The following IPCEF1 variants were observed in gnomAD, a reference collection of about 807,000 sequenced individuals.
The protein encoded by IPCEF1 is interactor protein for cytohesin exchange factors 1.
A neutral mutation model predicts 50.9 loss-of-function variants in IPCEF1; 31 were observed. The observed-to-expected ratio is 0.61, with a 90% confidence interval of 0.46 to 0.82. The LOEUF is 0.82. Among genes scored for constraint, IPCEF1 ranks in the 40% least tolerant of loss-of-function variants. The probability of loss-of-function intolerance (pLI) is 0.00; values close to 1 mark genes in which losing one functional copy is unlikely to be tolerated. For missense variants in IPCEF1, 458 were observed against 514.0 expected (o/e 0.89, Z 1.05); for synonymous variants, 181 against 192.0 (o/e 0.94, Z 0.47).
At chr6:154,336,566 T>C (rs2128695870) in intron 1 of IPCEF1, among the ~76,000 whole-genome samples, 1 of 152,140 alleles carries the variant, frequency 6.6e-6, no homozygotes, top group South Asian at 2.1e-4. Context: ...TGGATACAAA[T>C]ATACAAACAT....
At chr6:154,294,128 T>C (rs1445892455) in intron 1 of IPCEF1, among the ~76,000 whole-genome samples, 1 of 152,200 alleles carries the variant, frequency 6.6e-6, no homozygotes, top group Non-Finnish European at 1.5e-5. Context: ...TTAGTTATTC[T>C]CACAATCCTC....
chr6:154,273,699 TC>T (rs1781956533), intron 2 of IPCEF1, among the ~76,000 whole-genome samples: 2 of 97,798 alleles, frequency 2.0e-5, no homozygotes, highest in Admixed American at 1.6e-4. Context: ...TAAGCTTTTT[TC>T]TTTTTTTCTT....
At chr6:154,226,135 T>C (rs1034113064) in intron 5 of IPCEF1, among the ~76,000 whole-genome samples, 2 of 152,220 alleles carry the variant, frequency 1.3e-5, no homozygotes. Flanking sequence ...CACAGACTTA[T>C]TCTCTTTTTG....
intron 3 of IPCEF1, among the ~76,000 whole-genome samples, chr6:154,263,278 G>C (rs1781651518): frequency 6.9e-6 from 1 of 144,354 alleles, no homozygotes; most frequent in South Asian, 2.2e-4. Flanking sequence ...GATCATTCTT[G>C]GGTGTTTCTC....
intron 1 of IPCEF1, among the ~76,000 whole-genome samples, chr6:154,313,323 T>C (rs113347606): frequency 0.08 from 12,151 of 151,034 alleles, 1,017 homozygotes; most frequent in African/African-American, 0.21. Context: ...TGCAGTGAGC[T>C]GAGATCGCGC....
chr6:154,200,627 A>G (rs1006028023), intron 9 of IPCEF1, among the ~76,000 whole-genome samples: 2 of 152,152 alleles, frequency 1.3e-5, no homozygotes, highest in Non-Finnish European at 2.9e-5. Context: ...AGACTGAGGC[A>G]GGAGAATCAC....
intron 1 of IPCEF1, among the ~76,000 whole-genome samples, chr6:154,314,357 T>C (rs1410343326): frequency 1.3e-5 from 2 of 152,132 alleles, no homozygotes; most frequent in African/African-American, 4.8e-5. Context: ...GCCAAGCATA[T>C]TGGAAAGATT....
chr6:154,286,754 T>A (rs1782369696), intron 2 of IPCEF1, among the ~76,000 whole-genome samples: 1 of 152,224 alleles, frequency 6.6e-6, no homozygotes, highest in Non-Finnish European at 1.5e-5. Flanking sequence ...GTCTGAACTT[T>A]GCCTTCATGT....
At chr6:154,290,893 C>CTTTTTTTT (rs3045866) in intron 1 of IPCEF1, among the ~76,000 whole-genome samples, 15 of 127,294 alleles carry the variant, frequency 1.2e-4, no homozygotes, top group South Asian at 2.4e-4. Context: ...AATATATTGC[C>CTTTTTTTT]TTTTTTTTTT....
intron 2 of IPCEF1, among the ~76,000 whole-genome samples, chr6:154,281,589 T>C (rs1782212164): frequency 1.3e-5 from 2 of 151,860 alleles, no homozygotes; most frequent in Admixed American, 1.3e-4. Flanking sequence ...TGGCCAGGCA[T>C]GGTGACTCAC....
intron 9 of IPCEF1, among the ~76,000 whole-genome samples, chr6:154,203,124 C>T (rs1219508082): frequency 6.6e-6 from 1 of 152,198 alleles, no homozygotes; most frequent in Non-Finnish European, 1.5e-5. Flanking sequence ...GAACTCTTAG[C>T]TCACTGCCTT....
intron 3 of IPCEF1, among the ~76,000 whole-genome samples, chr6:154,262,134 A>T (rs954319902): frequency 6.6e-6 from 1 of 152,232 alleles, no homozygotes; most frequent in Non-Finnish European, 1.5e-5. Context: ...CCAGACACTG[A>T]CGGCTGTGAG....
chr6:154,341,926 T>C (rs1783926471), intron 1 of IPCEF1, among the ~76,000 whole-genome samples: 1 of 152,202 alleles, frequency 6.6e-6, no homozygotes, highest in Admixed American at 6.5e-5. Context: ...CCCACTTGGA[T>C]TGATAACGTA....
intron 1 of IPCEF1, among the ~76,000 whole-genome samples, chr6:154,294,974 A>G (rs1241831057): frequency 1.3e-5 from 2 of 150,366 alleles, no homozygotes; most frequent in African/African-American, 4.8e-5. Flanking sequence ...CAAGGCGGGC[A>G]CATTATGAGG....
At chr6:154,166,745 T>C (rs556544804) in intron 11 of IPCEF1, among the ~76,000 whole-genome samples, 1 of 152,170 alleles carries the variant, frequency 6.6e-6, no homozygotes, top group Non-Finnish European at 1.5e-5. Context: ...AATGAAAACT[T>C]TACTCACTCA....
intron 7 of IPCEF1, among the ~76,000 whole-genome samples, chr6:154,216,373 T>C (rs533768745): frequency 6.6e-6 from 1 of 152,272 alleles, no homozygotes; most frequent in East Asian, 1.9e-4. Flanking sequence ...ATATCTTCTG[T>C]AATTGTGCCT....
chr6:154,338,881 T>C (rs1356301094), intron 1 of IPCEF1, among the ~76,000 whole-genome samples: 2 of 152,042 alleles, frequency 1.3e-5, no homozygotes, highest in African/African-American at 4.8e-5. Flanking sequence ...GAGACTTCAG[T>C]GAGCCAAGAC....
intron 5 of IPCEF1, among the ~76,000 whole-genome samples, chr6:154,246,285 A>G (rs1275502823): frequency 6.6e-6 from 1 of 152,236 alleles, no homozygotes; most frequent in Admixed American, 6.5e-5. Context: ...TGAAACTATT[A>G]GAATCCCTCG....
At chr6:154,352,938 T>C (rs1358403900) in intron 1 of IPCEF1, among the ~76,000 whole-genome samples, 5 of 152,208 alleles carry the variant, frequency 3.3e-5, no homozygotes, top group Non-Finnish European at 4.4e-5. Context: ...ACTGACAAAT[T>C]GACTATTGCA....
Sources: allele counts gnomAD v4.1 joint callset (sites outside exome capture counted in the v4.1 genomes callset), GRCh38; gene constraint gnomAD v4.1.1; transcripts MANE v1.5; gene names NCBI Gene and HGNC (gene_info 2026-07-23, HGNC 2026-07-21).